INVS: variants seen among roughly 807,000 people sequenced by gnomAD.
INVS encodes the protein inversin.
In INVS, 86 loss-of-function variants were observed where a neutral mutation model predicts 108.8. The ratio of observed to expected loss-of-function variants is 0.79; its 90% confidence interval spans 0.66 to 0.95. INVS has a LOEUF of 0.95. Among genes scored for constraint, INVS ranks in the 40% least tolerant of loss-of-function variants. The probability of loss-of-function intolerance (pLI) is 0.00; values close to 1 mark genes in which losing one functional copy is unlikely to be tolerated. For missense variants in INVS, 1,169 were observed against 1,297.4 expected, an observed-to-expected ratio of 0.90 and a Z score of 1.52; for synonymous variants, 455 against 473.5, an observed-to-expected ratio of 0.96 and a Z score of 0.51.
At chr9:100,115,678 T>C (rs957150892) in intron 2 of INVS, among the ~76,000 whole-genome samples, 6 of 152,260 alleles carry the variant, frequency 3.9e-5, no homozygotes, top group Admixed American at 3.3e-4. Flanking sequence ...CCACATTTTC[T>C]TAATCCAGTC....
chr9:100,171,741 C>T (rs1376131566), intron 3 of INVS, among the ~76,000 whole-genome samples: 1 of 152,166 alleles, frequency 6.6e-6, no homozygotes, highest in Non-Finnish European at 1.5e-5. Context: ...CCTACTTCCT[C>T]ATACCTCTTG....
chr9:100,270,063 G>A (rs2118654055), intron 11 of INVS, among the ~76,000 whole-genome samples: 1 of 152,224 alleles, frequency 6.6e-6, no homozygotes, highest in South Asian at 2.1e-4. Flanking sequence ...TGTTTAAAAA[G>A]TGATAGTCAT....
chr9:100,290,542 G>C (rs1833580294), intron 13 of INVS, among the ~76,000 whole-genome samples: 1 of 151,876 alleles, frequency 6.6e-6, no homozygotes, highest in South Asian at 2.1e-4. Flanking sequence ...AGTAGAGACA[G>C]GGTTTCTCCA....
intron 14 of INVS, among the ~76,000 whole-genome samples, chr9:100,293,870 AG>A (rs1376082910): frequency 2.6e-5 from 4 of 152,300 alleles, no homozygotes; most frequent in Admixed American, 2.6e-4. Flanking sequence ...CATCACCAAT[AG>A]GTGGGAGTTG....
Position 100,246,785 on chromosome 9 carries a change from C to T in INVS, c.1076C>T (p.Thr359Ile), listed in dbSNP as rs1363885092. 1 of 1,613,226 alleles carries T rather than the reference C, an allele frequency of 6.2e-7. No individual in the cohort carries two copies. The highest frequency in any genetic ancestry group is 8.5e-7 in the Non-Finnish European group (1 of 1,179,408). Reference sequence around the variant, plus strand: ...AACATGGCTGACAAATATGGAGGTACAGGTGAGAACTGGTGGACACATTCA... The same window carrying T: ...AACATGGCTGACAAATATGGAGGTATAGGTGAGAACTGGTGGACACATTCA... Reference protein sequence around the residue: ...DINMADKYGGTALHAAALSGH... With the variant: ...DINMADKYGGIALHAAALSGH... The change falls in exon 8 of 17, where the codon ACA (threonine) becomes ATA (isoleucine). Residue 359 changes from threonine (T) to isoleucine (I), a missense_variant and splice_region_variant. This residue lies in a region of INVS where 271 missense variants were observed against 363.8 expected (regional missense o/e 0.74). Transcript: ENST00000262457.
chr9:100,203,527 G>C (rs1255567336), intron 3 of INVS, among the ~76,000 whole-genome samples: 1 of 91,508 alleles, frequency 1.1e-5, no homozygotes, highest in Non-Finnish European at 2.0e-5. Flanking sequence ...TTTTGAAACA[G>C]AGTCTCACTC....
At chr9:100,282,733 T>A (rs573973775) in intron 12 of INVS, among the ~76,000 whole-genome samples, 71 of 152,316 alleles carry the variant, frequency 4.7e-4, no homozygotes, top group Non-Finnish European at 7.4e-4. Flanking sequence ...TGCTCATGTG[T>A]GAGCAAGGTG....
chr9:100,204,560 T>C (rs1316763134), intron 3 of INVS, among the ~76,000 whole-genome samples: 2 of 152,176 alleles, frequency 1.3e-5, no homozygotes, highest in Non-Finnish European at 2.9e-5. Flanking sequence ...TTCTGAAGCT[T>C]TTTCTACTCC....
In INVS at chr9:100,104,505, C is replaced by G; in HGVS notation, c.-17C>G. 1 of 1,580,822 alleles carries G rather than the reference C, an allele frequency of 6.3e-7. No individual in the cohort carries two copies. The highest frequency in any genetic ancestry group is 8.7e-7 in the Non-Finnish European group (1 of 1,149,928). The stretch of plus-strand genomic sequence containing the variant: ...TCTGAATCATTGTTTCAGGTTGCTC[C>G]GGTTGCTAAGAAGACTATGAACAAG... On this transcript the variant is annotated 5_prime_UTR_variant, in exon 2 of 17. Coordinates refer to ENST00000262457, the MANE Select transcript of INVS (RefSeq NM_014425.5).
intron 2 of INVS, among the ~76,000 whole-genome samples, chr9:100,114,026 A>C (rs60759326): frequency 0.097 from 14,741 of 152,276 alleles, 1,482 homozygotes; most frequent in East Asian, 0.52. Context: ...TCTGTAACAA[A>C]AGTGGCAACA....
Position 100,292,772 on chromosome 9 carries a change from A to T in INVS, c.2515A>T (p.Lys839Ter). 6.2e-7 allele frequency: 1 copy of T among 1,614,188 alleles called. No individual in the cohort carries two copies. The highest frequency in any genetic ancestry group is 8.5e-7 in the Non-Finnish European group (1 of 1,180,034). ...RTPRNKVTQAKLTGGLYSHLP... is the reference protein window; with the variant it reads ...RTPRNKVTQA ...ACCAAGAAACAAAGTGACACAAGCC[A>T]AGCTCACAGGAGGGCTCTATTCACA... The change falls in exon 14 of 17, where the codon AAG becomes TAG. Residue 839 changes from lysine to a stop codon, truncating the protein, a stop_gained. Transcript: ENST00000262457. LOFTEE classifies it high-confidence loss of function.
chr9:100,275,433 G>A (rs539187609), intron 12 of INVS, among the ~76,000 whole-genome samples: 131 of 152,312 alleles, frequency 8.6e-4, no homozygotes, highest in Non-Finnish European at 1.6e-3. Context: ...TCCCCTAAAG[G>A]GAGGCTGTAG....
At chr9:100,252,811 T>A in intron 9 of INVS, 96 bp from the exon 10 acceptor site, 3 of 837,330 alleles carry the variant, frequency 3.6e-6, no homozygotes, top group Non-Finnish European at 6.0e-6. Flanking sequence ...TTCATTTTAA[T>A]AAATGCATTT....
chr9:100,245,178 GA>G (rs1428294462), intron 7 of INVS, among the ~76,000 whole-genome samples: 5 of 152,168 alleles, frequency 3.3e-5, no homozygotes, highest in African/African-American at 1.2e-4. Context: ...TCTGAGTTCA[GA>G]ATAAAGAGGC....
At position 100,129,558 on chromosome 9, in the gene INVS, C is replaced by G. The variant is rs1588022645; in HGVS notation, c.273+3009C>G. 6 of 476,738 alleles carry G rather than the reference C, an allele frequency of 1.3e-5. No homozygotes were observed. The East Asian group carries it at 2.0e-4, about 16-fold the overall frequency. The allele number at this position is 476,738 out of a possible 1,614,324, so 29.5% of individuals were successfully genotyped here. A position where few individuals can be genotyped will look rare whatever the true frequency, so the allele number is the denominator to read the frequency against. On this transcript the variant is annotated intron_variant, in intron 3 of 16. Transcript: ENST00000262457. ...ACAAGGAATCAGAAAAATAAGAAAC[C>G]AACAAGACACTTTCATAACTAGGCA...
At chr9:100,152,812 A>G (rs1311714540) in intron 3 of INVS, among the ~76,000 whole-genome samples, 1 of 152,222 alleles carries the variant, frequency 6.6e-6, no homozygotes, top group Non-Finnish European at 1.5e-5. Context: ...ATCTTAAACA[A>G]TTACAGATTT....
chr9:100,282,499 G>A (rs1268230369), intron 12 of INVS, among the ~76,000 whole-genome samples: 3 of 152,164 alleles, frequency 2.0e-5, no homozygotes, highest in Non-Finnish European at 4.4e-5. Context: ...TTCAGAAGGG[G>A]AATTTAACAA....
At chr9:100,161,808 G>C (rs1829199596) in intron 3 of INVS, among the ~76,000 whole-genome samples, 1 of 152,138 alleles carries the variant, frequency 6.6e-6, no homozygotes, top group South Asian at 2.1e-4. Context: ...ATCTTGCCTT[G>C]ATTAGAGTCA....
chr9:100,298,784 A>G (rs1200858375), intron 16 of INVS, among the ~76,000 whole-genome samples: 2 of 152,192 alleles, frequency 1.3e-5, no homozygotes, highest in African/African-American at 4.8e-5. Flanking sequence ...TAAGTGTTGG[A>G]CAACTCATGT....
Sources: allele counts gnomAD v4.1 joint callset (sites outside exome capture counted in the v4.1 genomes callset), GRCh38; gene constraint gnomAD v4.1.1; regional missense constraint gnomAD v4.1.1; transcripts MANE v1.5; gene names NCBI Gene and HGNC (gene_info 2026-07-23, HGNC 2026-07-21).